The following SMC1B variants were observed in gnomAD, a reference collection of about 807,000 sequenced individuals.
SMC1B encodes the protein structural maintenance of chromosomes protein 1B.
In SMC1B, 60 loss-of-function variants were observed where a neutral mutation model predicts 157.9. The ratio of observed to expected loss-of-function variants is 0.38; its 90% confidence interval spans 0.31 to 0.47. The LOEUF (loss-of-function observed/expected upper bound fraction) is 0.47, where lower values mean the gene tolerates loss of function less well. SMC1B is among the 20% of genes least tolerant of loss of function. SMC1B has a pLI of 0.99. For missense variants in SMC1B, 1,165 were observed against 1,426.2 expected (o/e 0.82, Z 2.95); for synonymous variants, 445 against 483.0 (o/e 0.92, Z 1.03).
chr22:45,372,704 T>C (rs1290108131), intron 12 of SMC1B, among the ~76,000 whole-genome samples: 2 of 139,524 alleles, frequency 1.4e-5, no homozygotes, highest in African/African-American at 5.6e-5. Flanking sequence ...CTCCCTCCCA[T>C]TGACTCCAGG....
chr22:45,350,732 CTCT>C (rs2086606907), intron 22 of SMC1B, among the ~76,000 whole-genome samples: 1 of 152,186 alleles, frequency 6.6e-6, no homozygotes, highest in Admixed American at 6.5e-5. Context: ...TTAATGGCAG[CTCT>C]TATTACTCTA....
chr22:45,352,439 T>C lies in SMC1B; in HGVS notation c.3425+12A>G, dbSNP rs759614110. 8.7e-6 allele frequency: 14 copies of C among 1,608,242 alleles called. No homozygotes were observed. The highest frequency in any genetic ancestry group is 3.3e-4 in the Middle Eastern group (2 of 6,022). On this transcript the variant is annotated intron_variant, in intron 22 of 24. Coordinates refer to ENST00000357450, the MANE Select transcript of SMC1B (RefSeq NM_148674.5). ...CCCTGATATGAAAACTGAATAGCTTTTGTGACCTTACCTGTGCACAGCAAA... is the reference window on the plus strand; with the variant it reads ...CCCTGATATGAAAACTGAATAGCTTCTGTGACCTTACCTGTGCACAGCAAA...
chr22:45,396,396 T>C lies in SMC1B; in HGVS notation c.1204A>G (p.Thr402Ala). The C allele has an allele frequency of 6.2e-7, 1 of 1,613,164 alleles. No homozygotes were observed. Among genetic ancestry groups the C allele is most frequent in the African/African-American group, 1.3e-5 (1 of 74,998 alleles). The change falls in exon 7 of 25, where the codon ACA (threonine) becomes GCA (alanine). Residue 402 changes from threonine (T) to alanine (A), a missense_variant. Transcript: ENST00000357450. ...TCAAATGCCAGTCTTTCTTCATCTG[T>C]CTTCTGTTCCCACTGCAGTTTTTCC... is the stretch of plus-strand genomic sequence containing the variant. ...QLEKLQWEQKTDEERLAFEKR... is the reference protein window; with the variant it reads ...QLEKLQWEQKADEERLAFEKR...
At chr22:45,403,438 C>G (rs2087219375) in intron 4 of SMC1B, among the ~76,000 whole-genome samples, 1 of 141,944 alleles carries the variant, frequency 7.0e-6, no homozygotes, top group South Asian at 2.3e-4. Context: ...ATAAGACAGA[C>G]TATCCCTGAT....
At chr22:45,391,085 A>G (rs2087053492) in intron 9 of SMC1B, among the ~76,000 whole-genome samples, 1 of 145,298 alleles carries the variant, frequency 6.9e-6, no homozygotes, top group African/African-American at 2.6e-5. Context: ...TTTTAAAGAG[A>G]TGAGGTCTTG....
chr22:45,372,576 A>T (rs2086844144), intron 12 of SMC1B, among the ~76,000 whole-genome samples: 1 of 152,172 alleles, frequency 6.6e-6, no homozygotes, highest in Admixed American at 6.5e-5. Flanking sequence ...CATTAATGAC[A>T]TAAATAGGAT....
chr22:45,352,545 A>G lies in SMC1B; in HGVS notation c.3331T>C (p.Cys1111Arg). Residue 1111 changes from cysteine (C) to arginine (R), a missense_variant, in exon 22 of 25, where the codon TGT becomes CGT. Cys to Arg is a radical substitution (Grantham distance 180). Transcript: ENST00000357450. ...EPYLEGISYN[C>R]VAPGKRFMPM... ...ATAAACCGTTTGCCTGGGGCCACAC[A>G]GTTATAGCTAATTCCCTCCAAGTAA... The G allele has an allele frequency of 1.2e-6, 2 of 1,614,042 alleles. No homozygotes were observed. Among genetic ancestry groups the G allele is most frequent in the Non-Finnish European group, 1.7e-6 (2 of 1,179,934 alleles).
chr22:45,365,451 C>T (rs1361373073), intron 15 of SMC1B, among the ~76,000 whole-genome samples: 4 of 152,222 alleles, frequency 2.6e-5, no homozygotes, highest in South Asian at 2.1e-4. Context: ...CACCTGTAAT[C>T]CCGGGCACTT....
At chr22:45,390,114 G>A (rs186135234) in intron 9 of SMC1B, among the ~76,000 whole-genome samples, 38 of 152,022 alleles carry the variant, frequency 2.5e-4, no homozygotes, top group African/African-American at 8.5e-4. Context: ...GTAACAAAGA[G>A]GGACTAGCCT....
intron 10 of SMC1B, 124 bp from the exon 11 acceptor site, chr22:45,387,170 CA>C: frequency 1.2e-6 from 1 of 822,030 alleles, no homozygotes; most frequent in Non-Finnish European, 1.8e-6. Context: ...TGTACCCAGC[CA>C]GGCGTGATGC....
At chr22:45,364,717 C>T (rs2086755967) in intron 15 of SMC1B, among the ~76,000 whole-genome samples, 1 of 152,008 alleles carries the variant, frequency 6.6e-6, no homozygotes, top group Non-Finnish European at 1.5e-5. Context: ...CTTCACTTGG[C>T]TTTGGGGTGT....
intron 12 of SMC1B, among the ~76,000 whole-genome samples, chr22:45,380,470 C>T (rs947933896): frequency 6.6e-6 from 1 of 152,144 alleles, no homozygotes; most frequent in Admixed American, 6.5e-5. Context: ...TTTCCTGAGT[C>T]TATCTACTAA....
At chr22:45,382,940 C>T (rs1456838624) in intron 12 of SMC1B, among the ~76,000 whole-genome samples, 1 of 152,116 alleles carries the variant, frequency 6.6e-6, no homozygotes, top group African/African-American at 2.4e-5. Flanking sequence ...TCAAGACCAG[C>T]CTGACCAACA....
At position 45,408,759 on chromosome 22, in the gene SMC1B, T is replaced by A. The variant is rs768726609; in HGVS notation, c.249A>T (p.Ile83=). ...PISSSASVKI[I]YVEESGEEKT... The stretch of plus-strand genomic sequence containing the variant: ...TCTCTTCGCCACTTTCCTCCACATA[T>A]ATAATTTTTACACTTGCAGAAGAAG... The change falls in exon 2 of 25, where the codon ATA becomes ATT. Residue 83 remains isoleucine, a synonymous_variant. Coordinates refer to ENST00000357450, the MANE Select transcript of SMC1B (RefSeq NM_148674.5). 5 of 1,599,784 alleles carry A rather than the reference T, an allele frequency of 3.1e-6. No individual in the cohort carries two copies. Among genetic ancestry groups the A allele is most frequent in the Non-Finnish European group, 3.4e-6 (4 of 1,175,304 alleles).
chr22:45,386,762 A>C, intron 11 of SMC1B, 105 bp downstream of exon 11: 1 of 997,998 alleles, frequency 1.0e-6, no homozygotes. Flanking sequence ...TAGAAAAAAG[A>C]ACACATAAAA....
intron 15 of SMC1B, among the ~76,000 whole-genome samples, chr22:45,365,188 TTACATGACTTCAAGTGCCATTTA>T (rs1320080225): frequency 1.3e-5 from 2 of 152,098 alleles, no homozygotes; most frequent in Non-Finnish European, 2.9e-5. Flanking sequence ...TCTTGTGTAG[TTACATGACTTCAAGTGCCATTTA>T]TATACGGACA....
intron 17 of SMC1B, among the ~76,000 whole-genome samples, chr22:45,360,679 A>C (rs920435085): frequency 2.0e-5 from 3 of 152,210 alleles, no homozygotes; most frequent in African/African-American, 7.2e-5. Flanking sequence ...ATTTACACAA[A>C]AAACAAGAGT....
At position 45,413,341 on chromosome 22, in the gene SMC1B, T is replaced by A. The variant is rs904870296; in HGVS notation, c.109+118A>T. On this transcript the variant is annotated intron_variant, in intron 1 of 24. Transcript: ENST00000357450. Reference sequence around the variant, plus strand: ...TCCGGTCGCGGTCAGGCTCCGGGACTGGAAGGGGAAGGCCGGCCAGGCGCC... The same window carrying A: ...TCCGGTCGCGGTCAGGCTCCGGGACAGGAAGGGGAAGGCCGGCCAGGCGCC... 85 of 744,008 alleles carry A rather than the reference T, an allele frequency of 1.1e-4. No homozygotes were observed. The African/African-American group carries it at 1.4e-3, about 12-fold the overall frequency. The allele number at this position is 744,008 out of a possible 1,614,324, so 46.1% of individuals were successfully genotyped here. A position where few individuals can be genotyped will look rare whatever the true frequency, so the allele number is the denominator to read the frequency against.
At chr22:45,363,186 T>C (rs548539267) in intron 15 of SMC1B, among the ~76,000 whole-genome samples, 160 bp from the exon 16 acceptor site, 1 of 152,314 alleles carries the variant, frequency 6.6e-6, no homozygotes, top group African/African-American at 2.4e-5. Context: ...TCATGGTCAT[T>C]CTTGTTTCAT....
Sources: gnomAD v4.1 joint callset for allele counts (sites outside exome capture counted in the v4.1 genomes callset) on GRCh38, gnomAD v4.1.1 for gene constraint, MANE v1.5 for transcripts, NCBI Gene and HGNC (gene_info 2026-07-23, HGNC 2026-07-21) for gene names.